DDR2: variants seen among roughly 807,000 people sequenced by gnomAD.
DDR2 encodes the protein discoidin domain-containing receptor 2.
DDR2 carries 27 observed loss-of-function variants against 94.9 expected under a neutral mutation model. The observed-to-expected ratio is 0.28, with a 90% CI of 0.21 to 0.39. The LOEUF is 0.39. DDR2 is among the 10% of genes least tolerant of loss of function. The pLI is 1.00. For missense variants in DDR2, 783 were observed against 1,076.0 expected, an observed-to-expected ratio of 0.73 and a Z score of 3.81; for synonymous variants, 382 against 377.2, an observed-to-expected ratio of 1.01 and a Z score of -0.15.
intron 1 of DDR2, among the ~76,000 whole-genome samples, chr1:162,643,883 A>G (rs972532690): frequency 1.3e-5 from 2 of 152,234 alleles, no homozygotes; most frequent in African/African-American, 4.8e-5. Context: ...TAGGGCAAGG[A>G]GAAGCCTGGG....
chr1:162,728,132 A>G (rs1004415549), intron 3 of DDR2, among the ~76,000 whole-genome samples: 1 of 143,114 alleles, frequency 7.0e-6, no homozygotes, highest in Non-Finnish European at 1.5e-5. Flanking sequence ...ATCACACTAT[A>G]TATATCTATA....
intron 14 of DDR2, among the ~76,000 whole-genome samples, chr1:162,774,024 C>T (rs189344841): frequency 8.7e-5 from 13 of 148,592 alleles, no homozygotes; most frequent in Non-Finnish European, 1.9e-4. Flanking sequence ...TTTATTTTCT[C>T]ATCCCTTTTT....
chr1:162,654,652 T>C (rs1657869826), intron 1 of DDR2, among the ~76,000 whole-genome samples: 1 of 152,186 alleles, frequency 6.6e-6, no homozygotes, highest in South Asian at 2.1e-4. Flanking sequence ...TCTGGGATTC[T>C]GGGGAGTCCT....
chr1:162,708,726 G>T (rs1660765304), intron 2 of DDR2, among the ~76,000 whole-genome samples: 1 of 152,196 alleles, frequency 6.6e-6, no homozygotes, highest in African/African-American at 2.4e-5. Context: ...TGGACCAAAT[G>T]AAATGTCCTG....
intron 2 of DDR2, among the ~76,000 whole-genome samples, chr1:162,662,524 G>A (rs1658356528): frequency 6.6e-6 from 1 of 152,206 alleles, no homozygotes; most frequent in South Asian, 2.1e-4. Context: ...TCTCCAGATT[G>A]TAAAGTCATT....
intron 14 of DDR2, 96 bp from the exon 15 acceptor site, chr1:162,775,556 C>A: frequency 7.5e-7 from 1 of 1,332,306 alleles, no homozygotes; most frequent in Non-Finnish European, 1.1e-6. Flanking sequence ...CAAGATTTGG[C>A]ATAATGTCCA....
chr1:162,759,073 A>G (rs574045073), intron 7 of DDR2, among the ~76,000 whole-genome samples: 85 of 152,366 alleles, frequency 5.6e-4, no homozygotes, highest in Non-Finnish European at 2.8e-4. Context: ...CTGCTAAGCT[A>G]GAACACAAAA....
intron 1 of DDR2, among the ~76,000 whole-genome samples, chr1:162,648,193 C>T (rs1474375664): frequency 1.3e-5 from 2 of 151,888 alleles, no homozygotes; most frequent in Non-Finnish European, 2.9e-5. Flanking sequence ...GGGCTAGTTG[C>T]TCAGAATCTG....
intron 2 of DDR2, among the ~76,000 whole-genome samples, chr1:162,711,038 G>A (rs57734799): frequency 0.011 from 1,636 of 152,278 alleles, 30 homozygotes; most frequent in East Asian, 0.035. Context: ...CAGCAAAGTC[G>A]AGGCCACCTC....
intron 3 of DDR2, among the ~76,000 whole-genome samples, chr1:162,746,949 A>G (rs1662900068): frequency 6.6e-6 from 1 of 152,368 alleles, no homozygotes; most frequent in East Asian, 1.9e-4. Context: ...GAAAACTAAC[A>G]AAGAGAAAGG....
intron 3 of DDR2, among the ~76,000 whole-genome samples, chr1:162,721,401 A>G (rs1661417180): frequency 6.6e-6 from 1 of 152,190 alleles, no homozygotes; most frequent in Non-Finnish European, 1.5e-5. Context: ...AGACCTTTAT[A>G]GGAAAACAGG....
chr1:162,687,002 A>G (rs909595998), intron 2 of DDR2, among the ~76,000 whole-genome samples: 1 of 152,230 alleles, frequency 6.6e-6, no homozygotes, highest in African/African-American at 2.4e-5. Context: ...TGTTACCCAC[A>G]CAAGGTGAAG....
At chr1:162,701,437 C>T (rs147063581) in intron 2 of DDR2, among the ~76,000 whole-genome samples, 2 of 152,294 alleles carry the variant, frequency 1.3e-5, no homozygotes, top group South Asian at 2.1e-4. Flanking sequence ...TGGCTCTTGG[C>T]CATAAACTAT....
chr1:162,741,309 T>C (rs933030728), intron 3 of DDR2, among the ~76,000 whole-genome samples: 18 of 142,438 alleles, frequency 1.3e-4, no homozygotes, highest in African/African-American at 4.6e-4. Context: ...TAATATAATA[T>C]AATATAATAT....
chr1:162,778,454 T>A, intron 16 of DDR2, 126 bp from the exon 17 acceptor site: 1 of 1,161,198 alleles, frequency 8.6e-7, no homozygotes, highest in South Asian at 1.2e-5. Context: ...TCCATGCACA[T>A]CTTGGCATTT....
intron 2 of DDR2, among the ~76,000 whole-genome samples, chr1:162,686,312 C>T (rs1365576689): frequency 1.3e-5 from 2 of 152,160 alleles, no homozygotes; most frequent in Non-Finnish European, 2.9e-5. Context: ...AACCCACCAT[C>T]TAGGTTTTAA....
At chr1:162,678,184 G>A (rs1436007130) in intron 2 of DDR2, among the ~76,000 whole-genome samples, 1 of 152,160 alleles carries the variant, frequency 6.6e-6, no homozygotes, top group African/African-American at 2.4e-5. Flanking sequence ...CCTATTGGTA[G>A]TTACCTACTA....
intron 2 of DDR2, among the ~76,000 whole-genome samples, chr1:162,675,461 G>C (rs1373628653): frequency 6.6e-6 from 1 of 152,206 alleles, no homozygotes; most frequent in Non-Finnish European, 1.5e-5. Flanking sequence ...CCAGTCAAAA[G>C]GAACAGGTGA....
At chr1:162,776,519 A>G (rs1320658354) in intron 16 of DDR2, 149 bp downstream of exon 16, 2 of 722,370 alleles carry the variant, frequency 2.8e-6, no homozygotes, top group African/African-American at 3.6e-5. Flanking sequence ...TTGTGTACTA[A>G]TTCTTATTAT....
Sources: allele counts gnomAD v4.1 joint callset (sites outside exome capture counted in the v4.1 genomes callset), GRCh38; gene constraint gnomAD v4.1.1; transcripts MANE v1.5; gene names NCBI Gene and HGNC (gene_info 2026-07-23, HGNC 2026-07-21).